The following CSMD3 variants were observed in gnomAD, a reference collection of about 807,000 sequenced individuals.
CSMD3 encodes CUB and Sushi multiple domains 3.
In CSMD3, 177 loss-of-function variants were observed where a neutral mutation model predicts 435.2. The observed-to-expected ratio is 0.41, with a 90% CI of 0.36 to 0.46. The LOEUF (loss-of-function observed/expected upper bound fraction) is 0.46, where lower values mean the gene tolerates loss of function less well. CSMD3 is among the 20% of genes least tolerant of loss of function. The probability of loss-of-function intolerance (pLI) is 0.34; values close to 1 mark genes in which losing one functional copy is unlikely to be tolerated. For synonymous variants in CSMD3, 1,656 were observed against 1,520.5 expected, an observed-to-expected ratio of 1.09 and a Z score of -2.07; for missense variants, 4,265 against 4,504.6, an observed-to-expected ratio of 0.95 and a Z score of 1.52.
rs2131803389 is a variant in CSMD3, at chr8:112,685,509, C to G, written c.2379G>C (p.Gly793=). ...PESPILGTFT[G]AEVPSHLTSN... is the part of the protein sequence containing the mutation. ...TAGTAAGATGGGAAGGCACCTCAGC[C>G]CCAGTAAAGGTTCCAAGAATTGGGG... The change falls in exon 15 of 71, where the codon GGG becomes GGC. Residue 793 remains glycine, a synonymous_variant. Coordinates refer to ENST00000297405, the MANE Select transcript of CSMD3 (RefSeq NM_198123.2). 1.2e-6 allele frequency: 2 copies of G among 1,613,976 alleles called. No individual in the cohort carries two copies. Among genetic ancestry groups the G allele is most frequent in the Non-Finnish European group, 1.7e-6 (2 of 1,179,944 alleles).
intron 27 of CSMD3, among the ~76,000 whole-genome samples, chr8:112,535,316 G>A (rs1018067626): frequency 3.6e-4 from 54 of 149,262 alleles, no homozygotes; most frequent in African/African-American, 1.2e-3. Context: ...AAGCAACTTC[G>A]GCAAAGTCTC....
chr8:112,963,175 T>G (rs190660186), intron 7 of CSMD3, among the ~76,000 whole-genome samples: 1 of 152,076 alleles, frequency 6.6e-6, no homozygotes, highest in Non-Finnish European at 1.5e-5. Flanking sequence ...CATTTGTCTT[T>G]TAATGCAAGG....
chr8:113,380,524 G>A (rs2094410520), intron 1 of CSMD3, among the ~76,000 whole-genome samples: 1 of 152,028 alleles, frequency 6.6e-6, no homozygotes, highest in Admixed American at 6.6e-5. Flanking sequence ...TCTGAATATA[G>A]ACTAATGTTT....
chr8:112,441,322 T>C (rs530394096), intron 32 of CSMD3, among the ~76,000 whole-genome samples: 1 of 152,262 alleles, frequency 6.6e-6, no homozygotes, highest in African/African-American at 2.4e-5. Context: ...ACTGTCAGCG[T>C]TTTGGTCAAA....
rs183971057 is a variant in CSMD3 at position 112,278,911 on chromosome 8, A to C, written c.9508+2263T>G. On this transcript the variant is annotated intron_variant, in intron 59 of 70. Coordinates refer to ENST00000297405, the MANE Select transcript of CSMD3 (RefSeq NM_198123.2). ...CTGTGGGAGACCCCCAACATTTAAA[A>C]TAATGATTTGGAACTCTCTGGAGGA... Among the ~76,000 whole-genome samples the C allele has an allele frequency of 3.1e-3, 477 of 152,168 alleles. 1 individual carries two copies. The highest frequency in any genetic ancestry group is 5.0e-3 in the Non-Finnish European group (339 of 68,004).
intron 32 of CSMD3, among the ~76,000 whole-genome samples, chr8:112,460,675 A>T (rs1345985554): frequency 6.6e-6 from 1 of 152,150 alleles, no homozygotes; most frequent in East Asian, 1.9e-4. Context: ...ATATTATAGA[A>T]GATTGAAAAA....
Position 112,246,084 on chromosome 8 carries a change from G to A in CSMD3, c.10222+936C>T, listed in dbSNP as rs1271261353. Among the ~76,000 whole-genome samples, 3 of 151,432 alleles carry A rather than the reference G, an allele frequency of 2.0e-5. No individual in the cohort carries two copies. In the East Asian group the frequency reaches 5.8e-4, roughly 29 times the overall value. ...ATACCTAGTTACAGCCCGCACAGCT[G>A]TTTTAAAGTACACATTCTGAGGAAT... On this transcript the variant is annotated intron_variant, in intron 64 of 70. Transcript: ENST00000297405.
chr8:112,946,702 A>C (rs1190441751), intron 9 of CSMD3, among the ~76,000 whole-genome samples: 4 of 151,794 alleles, frequency 2.6e-5, no homozygotes, highest in Admixed American at 6.6e-5. Flanking sequence ...AAGTCTGACT[A>C]GTCCCCAAAT....
intron 5 of CSMD3, among the ~76,000 whole-genome samples, chr8:113,079,609 T>C (rs1205674679): frequency 1.3e-5 from 2 of 152,120 alleles, no homozygotes; most frequent in Non-Finnish European, 2.9e-5. Flanking sequence ...GAAACCTCAG[T>C]CTTCTTGTAG....
At chr8:113,306,513 T>C (rs2093822547) in intron 2 of CSMD3, among the ~76,000 whole-genome samples, 2 of 152,106 alleles carry the variant, frequency 1.3e-5, no homozygotes, top group Admixed American at 1.3e-4. Context: ...TTTTGGATAA[T>C]TTTCATGGAA....
intron 50 of CSMD3, among the ~76,000 whole-genome samples, chr8:112,309,332 G>T (rs112381236): frequency 0.023 from 3,439 of 151,876 alleles, 142 homozygotes; most frequent in African/African-American, 0.078. Flanking sequence ...GAGTGTGTAT[G>T]TGTATGTGTG....
At chr8:112,459,157 A>C (rs1817174328) in intron 32 of CSMD3, among the ~76,000 whole-genome samples, 2 of 152,098 alleles carry the variant, frequency 1.3e-5, no homozygotes, top group South Asian at 4.1e-4. Context: ...TAGCTTAATT[A>C]GTTACTATGG....
At chr8:112,244,308 C>T in intron 65 of CSMD3, 86 bp downstream of exon 65, 2 of 1,143,254 alleles carry the variant, frequency 1.7e-6, no homozygotes, top group South Asian at 1.3e-5. Flanking sequence ...TGTTCCTATG[C>T]TAATTTGAGT....
intron 3 of CSMD3, among the ~76,000 whole-genome samples, chr8:113,225,653 C>A (rs533592203): frequency 1.3e-5 from 2 of 151,610 alleles, no homozygotes; most frequent in South Asian, 2.1e-4. Context: ...AGACAAATTT[C>A]TTTGAGCGCA....
chr8:112,492,572 A>G lies in CSMD3; in HGVS notation c.5195T>C (p.Val1732Ala). The change falls in exon 31 of 71, where the codon GTT becomes GCT. Residue 1732 changes from valine (V) to alanine (A), a missense_variant. Transcript: ENST00000297405. Reference sequence around the variant, plus strand: ...GGTGAGTGTTGAATAACCTTGAAGAACATAACCAGCATCACAGTAATAGGT... The same window carrying G: ...GGTGAGTGTTGAATAACCTTGAAGAGCATAACCAGCATCACAGTAATAGGT... ...TVTYYCDAGY[V>A]LQGYSTLTCI... is the part of the protein sequence containing the mutation. 6.2e-7 allele frequency: 1 copy of G among 1,613,862 alleles called. No individual in the cohort carries two copies. The highest frequency in any genetic ancestry group is 8.5e-7 in the Non-Finnish European group (1 of 1,179,748).
rs1472316592 is a variant in CSMD3 at position 112,679,095 on chromosome 8, T to TG, written c.2677+3346_2677+3347insC. Among the ~76,000 whole-genome samples the TG allele has an allele frequency of 1.7e-4, 26 of 150,056 alleles. 1 individual carries two copies. The highest frequency in any genetic ancestry group is 4.6e-4 in the African/African-American group (19 of 41,048). On this transcript the variant is annotated intron_variant, in intron 16 of 70. Transcript: ENST00000297405. ...GGGGGGATGGGGCAGGTTTTTTTTT[T>TG]TTTTTTTTTAAATTAGGAAAAATAA...
intron 45 of CSMD3, among the ~76,000 whole-genome samples, chr8:112,333,882 A>G (rs1264112883): frequency 6.6e-6 from 1 of 152,224 alleles, no homozygotes; most frequent in Non-Finnish European, 1.5e-5. Flanking sequence ...ATGTGGAGAT[A>G]AAATGTACAT....
At chr8:113,275,359 T>C (rs1196406891) in intron 3 of CSMD3, among the ~76,000 whole-genome samples, 3 of 152,068 alleles carry the variant, frequency 2.0e-5, no homozygotes, top group South Asian at 2.1e-4. Context: ...GAGAGAAAGA[T>C]AGAATTTACA....
At chr8:112,561,654 C>T (rs954230508) in intron 24 of CSMD3, among the ~76,000 whole-genome samples, 2 of 151,504 alleles carry the variant, frequency 1.3e-5, no homozygotes, top group South Asian at 2.1e-4. Context: ...TTTTGTACTC[C>T]TCCCCAGTCT....
Sources: allele counts gnomAD v4.1 joint callset (sites outside exome capture counted in the v4.1 genomes callset), GRCh38; gene constraint gnomAD v4.1.1; transcripts MANE v1.5; gene names NCBI Gene and HGNC (gene_info 2026-07-23, HGNC 2026-07-21).